Variants in NLGN4Y observed in about 807,000 individuals in gnomAD.
The protein encoded by NLGN4Y is neuroligin 4 Y-linked, also known as neuroligin-4, Y-linked.
In NLGN4Y, 4 loss-of-function variants were observed where a neutral mutation model predicts 8.4. The observed-to-expected ratio is 0.48, with a 90% CI of 0.23 to 1.09. NLGN4Y has a LOEUF of 1.09. Among genes scored for constraint, NLGN4Y ranks in the 50% least tolerant of loss-of-function variants. NLGN4Y has a pLI of 0.19. For missense variants in NLGN4Y, 90 were observed against 192.3 expected (o/e 0.47, Z 3.15); for synonymous variants, 35 against 75.6 (o/e 0.46, Z 2.78).
chrY:14,779,159 C>A (rs762760788), intron 4 of NLGN4Y, among the ~76,000 whole-genome samples: 1 of 32,798 alleles, frequency 3.0e-5, no homozygotes, highest in Non-Finnish European at 7.5e-5. Flanking sequence ...AAATGATCCT[C>A]CTGCCTTGAT....
intron 1 of NLGN4Y, among the ~76,000 whole-genome samples, chrY:14,571,479 TGTA>T (rs2080269583): frequency 3.0e-5 from 1 of 33,547 alleles, no homozygotes; most frequent in Non-Finnish European, 7.3e-5. Flanking sequence ...TTGAGTTCAT[TGTA>T]GTATCTGGAT....
chrY:14,574,901 G>T, intron 1 of NLGN4Y, among the ~76,000 whole-genome samples: 1 of 33,230 alleles, frequency 3.0e-5, no homozygotes, highest in East Asian at 8.0e-4. Context: ...TTTCTTTAAG[G>T]ATGTTGAATA....
At chrY:14,726,073 C>T in intron 4 of NLGN4Y, among the ~76,000 whole-genome samples, 1 of 33,012 alleles carries the variant, frequency 3.0e-5, no homozygotes, top group Non-Finnish European at 7.5e-5. Flanking sequence ...TACCTAAAAC[C>T]CATAAGATCT....
chrY:14,793,451 G>A, intron 4 of NLGN4Y, among the ~76,000 whole-genome samples: 1 of 33,657 alleles, frequency 3.0e-5, no homozygotes, highest in South Asian at 6.6e-4. Context: ...CATGGCAACT[G>A]AGAATGGTAG....
At chrY:14,525,731 T>C (rs752467179) in intron 1 of NLGN4Y, among the ~76,000 whole-genome samples, 8 of 32,378 alleles carry the variant, frequency 2.5e-4, no homozygotes, top group Admixed American at 2.0e-3. Context: ...TCCAATCTTA[T>C]GCTTTTTGAA....
intron 2 of NLGN4Y, among the ~76,000 whole-genome samples, chrY:14,689,581 G>T (rs2080803107): frequency 6.1e-5 from 2 of 32,846 alleles, no homozygotes; most frequent in African/African-American, 1.2e-4. Context: ...AAAAGAGGGG[G>T]CACAGAAGAT....
At chrY:14,698,385 T>A in intron 2 of NLGN4Y, among the ~76,000 whole-genome samples, 1 of 33,255 alleles carries the variant, frequency 3.0e-5, no homozygotes, top group Non-Finnish European at 7.4e-5. Context: ...TACATAGAGT[T>A]GTTGTATTTA....
At chrY:14,557,053 A>G (rs916928382) in intron 1 of NLGN4Y, among the ~76,000 whole-genome samples, 1 of 33,566 alleles carries the variant, frequency 3.0e-5, no homozygotes, top group African/African-American at 1.2e-4. Flanking sequence ...TAAAGTTTCA[A>G]TGAAAAATCA....
At chrY:14,787,907 T>C in intron 4 of NLGN4Y, among the ~76,000 whole-genome samples, 5 of 33,614 alleles carry the variant, frequency 1.5e-4, no homozygotes, top group Admixed American at 5.5e-4. Context: ...TAGATGATTA[T>C]GGCAAGCTGC....
intron 1 of NLGN4Y, 145 bp downstream of exon 1, chrY:14,524,853 C>G (rs1339991824): frequency 8.2e-6 from 1 of 122,152 alleles, no homozygotes; most frequent in Non-Finnish European, 1.8e-5. Context: ...CAGGGACACT[C>G]TCATCCTTCA....
chrY:14,702,989 G>A (rs2080859530), intron 2 of NLGN4Y, among the ~76,000 whole-genome samples: 2 of 33,189 alleles, frequency 6.0e-5, no homozygotes, highest in African/African-American at 1.2e-4. Context: ...CATATCCTTC[G>A]CCCACTTTTT....
intron 1 of NLGN4Y, among the ~76,000 whole-genome samples, chrY:14,551,340 A>G (rs1603499428): frequency 3.0e-5 from 1 of 33,254 alleles, no homozygotes; most frequent in Non-Finnish European, 7.4e-5. Flanking sequence ...TAATAGTGGG[A>G]GATTTTAACA....
intron 4 of NLGN4Y, among the ~76,000 whole-genome samples, chrY:14,747,577 A>G (rs767948030): frequency 5.9e-5 from 2 of 33,956 alleles, no homozygotes; most frequent in East Asian, 1.6e-3. Context: ...CAGTGGTGCA[A>G]TCATTGCTCA....
At position 14,690,132 on chromosome Y, in the gene NLGN4Y, G is replaced by T. The variant is rs752493301; in HGVS notation, c.473-29327G>T. On this transcript the variant is annotated intron_variant, in intron 2 of 6. Transcript: ENST00000684976. ...TATCACTTTGTACAAGATTCGGAGG[G>T]CTTGTGTGTCTATGATCTCAGGCCT... 9.0e-5 allele frequency among the ~76,000 whole-genome samples: 3 copies of T among 33,361 alleles called. No homozygotes were observed. In the East Asian group the frequency reaches 2.4e-3, roughly 27 times the overall value. 89.5% of individuals were successfully genotyped at this position (33,361 alleles called of 37,273 possible).
At chrY:14,684,912 C>T in intron 2 of NLGN4Y, among the ~76,000 whole-genome samples, 4 of 33,795 alleles carry the variant, frequency 1.2e-4, no homozygotes, top group Admixed American at 1.1e-3. Context: ...AGTTGGTGAA[C>T]CAGTTGATGA....
chrY:14,798,731 G>C (rs536460124), intron 4 of NLGN4Y: 3 of 33,171 alleles, frequency 9.0e-5, no homozygotes, highest in African/African-American at 2.3e-4. Flanking sequence ...GATAGAGTTT[G>C]GTAACTTTTT....
chrY:14,572,154 T>C (rs1003769133), intron 1 of NLGN4Y, among the ~76,000 whole-genome samples: 1 of 33,333 alleles, frequency 3.0e-5, no homozygotes, highest in African/African-American at 1.2e-4. Context: ...GATAGCTTGA[T>C]GGGGATGGCA....
At chrY:14,558,955 G>T (rs2080218031) in intron 1 of NLGN4Y, among the ~76,000 whole-genome samples, 3 of 32,997 alleles carry the variant, frequency 9.1e-5, no homozygotes, top group African/African-American at 2.4e-4. Flanking sequence ...TTGAAGCAGA[G>T]GATTCCCGGT....
chrY:14,674,501 G>T lies in NLGN4Y; in HGVS notation c.473-44958G>T, dbSNP rs1603502589. On this transcript the variant is annotated intron_variant, in intron 2 of 6. Transcript: ENST00000684976. The stretch of plus-strand genomic sequence containing the variant: ...GCAGCACTTATAATAAATAATAATA[G>T]TGTTTTTTGTTTGTTTGTTTTTTTA... Among the ~76,000 whole-genome samples, 10 of 31,843 alleles carry T rather than the reference G, an allele frequency of 3.1e-4. No individual in the cohort carries two copies. The East Asian group carries it at 8.3e-3, about 26-fold the overall frequency. The allele number at this position is 31,843 out of a possible 37,273, so 85.4% of individuals were successfully genotyped here.
Sources: allele counts gnomAD v4.1 joint callset (sites outside exome capture counted in the v4.1 genomes callset), GRCh38; gene constraint gnomAD v4.1.1; transcripts MANE v1.5; gene names NCBI Gene and HGNC (gene_info 2026-07-23, HGNC 2026-07-21).